ZNF420: variants seen among roughly 807,000 people sequenced by gnomAD.
ZNF420 encodes zinc finger protein 420.
In ZNF420, 31 loss-of-function variants were observed where a neutral mutation model predicts 44.7. That is an observed-to-expected ratio of 0.69 (90% CI 0.52 to 0.94). ZNF420 has a LOEUF of 0.94. Among genes scored for constraint, ZNF420 ranks in the 40% least tolerant of loss-of-function variants. The pLI, the probability that ZNF420 is intolerant of heterozygous loss-of-function variation, is 0.00. For synonymous variants in ZNF420, 245 were observed against 267.4 expected (o/e 0.92, Z 0.82); for missense variants, 681 against 827.9 (o/e 0.82, Z 2.18).
chr19:37,012,593 G>T (rs1014386349), intron 1 of ZNF420, among the ~76,000 whole-genome samples: 3 of 152,192 alleles, frequency 2.0e-5, no homozygotes, highest in Non-Finnish European at 2.9e-5. Flanking sequence ...CTGCCGGGAC[G>T]GCGTTCGAGT....
chr19:37,128,028 G>T lies in ZNF420; in HGVS notation c.1037G>T (p.Arg346Leu), dbSNP rs769590288. 5.0e-6 allele frequency: 8 copies of T among 1,613,090 alleles called. No individual in the cohort carries two copies. The South Asian group carries it at 7.7e-5, about 16-fold the overall frequency. The change falls in exon 5 of 5, where the codon CGG becomes CTG. Residue 346 changes from arginine (R) to leucine (L), a missense_variant. Arg to Leu is a moderately radical substitution (Grantham distance 102, BLOSUM62 -2). Coordinates refer to ENST00000337995, the MANE Select transcript of ZNF420 (RefSeq NM_144689.5). ...ECKECGRAFI[R>L]GSLLMQHQRI... is the part of the protein sequence containing the mutation. ...AAGGAATGTGGAAGGGCCTTTATTC[G>T]GGGCTCACTACTGATGCAACATCAG...
At chr19:37,124,174 A>G (rs572955755) in intron 4 of ZNF420, among the ~76,000 whole-genome samples, 2 of 152,368 alleles carry the variant, frequency 1.3e-5, no homozygotes, top group East Asian at 1.9e-4. Flanking sequence ...CAAGAATGTC[A>G]TATAAATAGA....
chr19:37,095,787 C>T (rs1188564702), intron 4 of ZNF420, among the ~76,000 whole-genome samples: 4 of 151,998 alleles, frequency 2.6e-5, no homozygotes, highest in South Asian at 2.1e-4. Context: ...TTAGTAGAGA[C>T]GGGGTTTCGC....
At chr19:37,080,052 G>A (rs1029810687) in intron 1 of ZNF420, among the ~76,000 whole-genome samples, 3 of 152,144 alleles carry the variant, frequency 2.0e-5, no homozygotes, top group African/African-American at 7.2e-5. Context: ...AGTGGGAATA[G>A]TTTCAGAGGG....
intron 1 of ZNF420, among the ~76,000 whole-genome samples, chr19:37,032,281 G>A (rs933202553): frequency 2.6e-5 from 4 of 151,144 alleles, no homozygotes; most frequent in South Asian, 2.1e-4. Context: ...GCAGTGAGCC[G>A]AGATTGCGCC....
At position 37,124,208 on chromosome 19, in the gene ZNF420, T is replaced by G. The variant is rs73023545; in HGVS notation, c.137-2920T>G. On this transcript the variant is annotated intron_variant, in intron 4 of 4. Transcript: ENST00000337995. ...GAATCAAAATATGGCTTTTCTCACT[T>G]AGCAAAATATATTTAAGATTTATCC... Among the ~76,000 whole-genome samples, 1,015 of 152,338 alleles carry G rather than the reference T, an allele frequency of 6.7e-3. 5 individuals are homozygous for G. Among genetic ancestry groups the G allele is most frequent in the Non-Finnish European group, 9.7e-3 (659 of 68,018 alleles).
chr19:37,123,559 C>T (rs1971170846), intron 4 of ZNF420, among the ~76,000 whole-genome samples: 1 of 148,654 alleles, frequency 6.7e-6, no homozygotes, highest in East Asian at 2.0e-4. Flanking sequence ...TCTCAGCTCT[C>T]ACTTCATTGC....
At chr19:37,040,686 T>C (rs1454260809) in intron 1 of ZNF420, among the ~76,000 whole-genome samples, 1 of 152,190 alleles carries the variant, frequency 6.6e-6, no homozygotes, top group Non-Finnish European at 1.5e-5. Flanking sequence ...ATCAAAGCAC[T>C]GTGCCAGGTA....
rs541509892 is a variant in ZNF420 at position 37,116,896 on chromosome 19, A to G, written c.137-10232A>G. Among the ~76,000 whole-genome samples, 14 of 152,274 alleles carry G rather than the reference A, an allele frequency of 9.2e-5. No homozygotes were observed. The East Asian group carries it at 2.3e-3, about 25-fold the overall frequency. On this transcript the variant is annotated intron_variant, in intron 4 of 4. Transcript: ENST00000337995. The stretch of plus-strand genomic sequence containing the variant: ...GCTAGCAAACTGCAAGGCAGCAGCG[A>G]GGCTGGGGGAGGGGTGCCTGCCATT...
At chr19:37,116,103 T>C (rs548164511) in intron 4 of ZNF420, among the ~76,000 whole-genome samples, 2 of 152,242 alleles carry the variant, frequency 1.3e-5, no homozygotes, top group South Asian at 4.1e-4. Context: ...ATGGAGTCTC[T>C]TATGTCTACT....
At chr19:37,042,149 C>T (rs1471295710) in intron 1 of ZNF420, among the ~76,000 whole-genome samples, 1 of 152,180 alleles carries the variant, frequency 6.6e-6, no homozygotes, top group Non-Finnish European at 1.5e-5. Context: ...CAGGTGCCCA[C>T]CATCATGCCT....
intron 1 of ZNF420, among the ~76,000 whole-genome samples, chr19:37,045,866 C>T (rs1967534096): frequency 1.3e-5 from 2 of 152,170 alleles, no homozygotes; most frequent in Admixed American, 1.3e-4. Flanking sequence ...AAACCTTTTC[C>T]ATGGCCTTGT....
At chr19:37,019,835 C>G (rs2074633418) in intron 1 of ZNF420, among the ~76,000 whole-genome samples, 1 of 151,964 alleles carries the variant, frequency 6.6e-6, no homozygotes, top group African/African-American at 2.4e-5. Flanking sequence ...GGTAGACACT[C>G]TGGGAAACTG....
chr19:37,129,188 A>T lies in ZNF420; in HGVS notation c.*130A>T. The T allele has an allele frequency of 8.7e-7, 1 of 1,149,720 alleles. No homozygotes were observed. Among genetic ancestry groups the T allele is most frequent in the Non-Finnish European group, 1.2e-6 (1 of 817,426 alleles). The allele number at this position is 1,149,720 out of a possible 1,614,324, so 71.2% of individuals were successfully genotyped here. On this transcript the variant is annotated 3_prime_UTR_variant, in exon 5 of 5. Coordinates refer to ENST00000337995, the MANE Select transcript of ZNF420 (RefSeq NM_144689.5). ...GCATCAGATAATTTATGTGAGAGAA[A>T]ATGGTAGTGTCATTCATATAGAAAA...
intron 1 of ZNF420, among the ~76,000 whole-genome samples, chr19:37,023,733 G>T (rs2074665948): frequency 6.6e-6 from 1 of 152,074 alleles, no homozygotes. Flanking sequence ...TAACATTTGG[G>T]TTCAGAGCTA....
At chr19:37,123,519 C>T (rs892748464) in intron 4 of ZNF420, among the ~76,000 whole-genome samples, 13 of 151,706 alleles carry the variant, frequency 8.6e-5, no homozygotes, top group Non-Finnish European at 2.9e-5. Flanking sequence ...GCTCTAACTT[C>T]AGAGCATGTT....
intron 1 of ZNF420, among the ~76,000 whole-genome samples, chr19:37,038,964 C>T (rs1179898317): frequency 2.0e-5 from 3 of 149,394 alleles, no homozygotes; most frequent in Non-Finnish European, 4.4e-5. Flanking sequence ...CCAGCCTGGA[C>T]AACAACAATG....
At chr19:37,096,930 G>A (rs1002851805) in intron 4 of ZNF420, among the ~76,000 whole-genome samples, 14 of 146,258 alleles carry the variant, frequency 9.6e-5, no homozygotes, top group African/African-American at 2.3e-4. Context: ...ACAGAGTCTC[G>A]CTGTGTCACC....
intron 1 of ZNF420, among the ~76,000 whole-genome samples, chr19:37,051,149 C>T (rs1032434697): frequency 1.3e-5 from 2 of 152,136 alleles, no homozygotes; most frequent in Admixed American, 6.5e-5. Context: ...ATTTTTGCAT[C>T]GATGTTCATC....
Sources: gnomAD v4.1 joint callset for allele counts (sites outside exome capture counted in the v4.1 genomes callset) on GRCh38, gnomAD v4.1.1 for gene constraint, MANE v1.5 for transcripts, NCBI Gene and HGNC (gene_info 2026-07-23, HGNC 2026-07-21) for gene names.